Variants in SSBP2 observed in about 807,000 individuals in gnomAD.
SSBP2 encodes single-stranded DNA-binding protein 2.
In SSBP2, 17 loss-of-function variants were observed where a neutral mutation model predicts 61.8. The ratio of observed to expected loss-of-function variants is 0.28; its 90% confidence interval spans 0.19 to 0.41. The LOEUF (loss-of-function observed/expected upper bound fraction) is 0.41, where lower values mean the gene tolerates loss of function less well. Among genes scored for constraint, SSBP2 ranks in the 10% least tolerant of loss-of-function variants. The probability of loss-of-function intolerance (pLI) is 1.00; values close to 1 mark genes in which losing one functional copy is unlikely to be tolerated. For missense variants in SSBP2, 310 were observed against 458.7 expected, an observed-to-expected ratio of 0.68 and a Z score of 2.96; for synonymous variants, 139 against 141.3, an observed-to-expected ratio of 0.98 and a Z score of 0.12.
chr5:81,497,978 A>G (rs1473043706), intron 5 of SSBP2, among the ~76,000 whole-genome samples: 5 of 152,158 alleles, frequency 3.3e-5, no homozygotes, highest in Non-Finnish European at 5.9e-5. Context: ...AATTCTATAT[A>G]GCAGTTTGCC....
chr5:81,727,412 G>A (rs559084406), intron 1 of SSBP2, among the ~76,000 whole-genome samples: 3 of 152,266 alleles, frequency 2.0e-5, no homozygotes, highest in Non-Finnish European at 2.9e-5. Context: ...AGCCGGGAGT[G>A]GTGGCACATG....
At chr5:81,652,174 A>G (rs1241789938) in intron 1 of SSBP2, among the ~76,000 whole-genome samples, 1 of 152,166 alleles carries the variant, frequency 6.6e-6, no homozygotes, top group African/African-American at 2.4e-5. Flanking sequence ...GTATGGAGAG[A>G]ACAGACTTCA....
At position 81,583,400 on chromosome 5, in the gene SSBP2, C is replaced by T. The variant is rs139593077; in HGVS notation, c.282+32073G>A. 2.7e-3 allele frequency among the ~76,000 whole-genome samples: 407 copies of T among 152,034 alleles called. 7 individuals carry two copies. The highest frequency in any genetic ancestry group is 3.4e-3 in the Middle Eastern group (1 of 294). ...ATCCCAGCACTTTGGGAGGCCAAGG[C>T]GGGCAGATCACAAGGTCAGGAGATT... On this transcript the variant is annotated intron_variant, in intron 4 of 16. Coordinates refer to ENST00000320672, the MANE Select transcript of SSBP2 (RefSeq NM_012446.5).
At chr5:81,519,852 TG>T (rs1253003169) in intron 4 of SSBP2, among the ~76,000 whole-genome samples, 1 of 152,184 alleles carries the variant, frequency 6.6e-6, no homozygotes, top group African/African-American at 2.4e-5. Flanking sequence ...TGCCAGGAAT[TG>T]GTCTATTAAT....
chr5:81,708,667 T>A (rs978062522), intron 1 of SSBP2, among the ~76,000 whole-genome samples: 1 of 21,088 alleles, frequency 4.7e-5, no homozygotes, highest in African/African-American at 6.7e-4. Context: ...GTTTCAACTC[T>A]CCCTGAAAAA....
chr5:81,637,609 A>G (rs1305903442), intron 2 of SSBP2, among the ~76,000 whole-genome samples: 1 of 152,198 alleles, frequency 6.6e-6, no homozygotes, highest in Non-Finnish European at 1.5e-5. Flanking sequence ...AAAGTTACTT[A>G]AATCTTCTGT....
chr5:81,461,655 C>T (rs537390907), intron 9 of SSBP2, among the ~76,000 whole-genome samples: 3 of 152,032 alleles, frequency 2.0e-5, no homozygotes, highest in African/African-American at 2.4e-5. Flanking sequence ...TTCAATGCTA[C>T]TGATGATTTA....
chr5:81,615,698 G>A (rs144503997), intron 3 of SSBP2, 141 bp from the exon 4 acceptor site: 428 of 578,226 alleles, frequency 7.4e-4, no homozygotes, highest in African/African-American at 5.6e-3. Context: ...AGACTTAAAC[G>A]CAAGCAAGGC....
intron 1 of SSBP2, among the ~76,000 whole-genome samples, chr5:81,665,861 T>C (rs1039112257): frequency 1.3e-5 from 2 of 152,206 alleles, no homozygotes; most frequent in Non-Finnish European, 2.9e-5. Flanking sequence ...AATTCCAGTG[T>C]GGACCAATGA....
chr5:81,544,039 C>T (rs939558166), intron 4 of SSBP2, among the ~76,000 whole-genome samples: 70 of 152,060 alleles, frequency 4.6e-4, no homozygotes, highest in African/African-American at 1.7e-3. Flanking sequence ...AAACTTCCAC[C>T]TTTCTTTCTT....
chr5:81,732,782 T>C (rs1431646433), intron 1 of SSBP2, among the ~76,000 whole-genome samples: 2 of 152,170 alleles, frequency 1.3e-5, no homozygotes, highest in Non-Finnish European at 2.9e-5. Context: ...AAGCAAAGTA[T>C]CTTATACCCT....
chr5:81,472,725 G>C (rs760411594), intron 8 of SSBP2, among the ~76,000 whole-genome samples: 50 of 151,882 alleles, frequency 3.3e-4, no homozygotes, highest in Non-Finnish European at 5.6e-4. Context: ...TCATCCTCTC[G>C]AGTAGCTGGG....
At chr5:81,454,102 C>G (rs552278736) in intron 10 of SSBP2, among the ~76,000 whole-genome samples, 1 of 152,206 alleles carries the variant, frequency 6.6e-6, no homozygotes, top group Admixed American at 6.5e-5. Flanking sequence ...ATTAAAAAGA[C>G]AGGCCAAGGA....
chr5:81,477,303 G>T (rs920870013), intron 6 of SSBP2, among the ~76,000 whole-genome samples: 60 of 152,242 alleles, frequency 3.9e-4, no homozygotes, highest in African/African-American at 1.4e-3. Flanking sequence ...CACACGCATG[G>T]ATCTGTGACT....
intron 4 of SSBP2, among the ~76,000 whole-genome samples, chr5:81,575,983 C>A (rs1774182379): frequency 6.6e-6 from 1 of 152,144 alleles, no homozygotes; most frequent in Non-Finnish European, 1.5e-5. Flanking sequence ...TTACCACATA[C>A]CTTACTATCA....
intron 1 of SSBP2, among the ~76,000 whole-genome samples, chr5:81,723,288 C>T (rs534400359): frequency 1.3e-5 from 2 of 152,030 alleles, no homozygotes; most frequent in African/African-American, 4.8e-5. Flanking sequence ...TGAGAAGGTT[C>T]TTGGTTCTCT....
intron 5 of SSBP2, among the ~76,000 whole-genome samples, chr5:81,501,938 ATAG>A (rs138211796): frequency 0.048 from 7,267 of 152,096 alleles, 220 homozygotes; most frequent in Non-Finnish European, 0.069. Flanking sequence ...CTCTTTTCCC[ATAG>A]TTGCCAATAG....
At chr5:81,513,162 T>C (rs1439153216) in intron 5 of SSBP2, among the ~76,000 whole-genome samples, 1 of 152,072 alleles carries the variant, frequency 6.6e-6, no homozygotes. Context: ...AAATTCCAGC[T>C]TAAAAGCCCC....
At chr5:81,692,838 C>T (rs1753307158) in intron 1 of SSBP2, among the ~76,000 whole-genome samples, 1 of 152,052 alleles carries the variant, frequency 6.6e-6, no homozygotes, top group African/African-American at 2.4e-5. Flanking sequence ...CTATTTCTCA[C>T]CATATATAAA....
Sources: gnomAD v4.1 joint callset for allele counts (sites outside exome capture counted in the v4.1 genomes callset) on GRCh38, gnomAD v4.1.1 for gene constraint, MANE v1.5 for transcripts, NCBI Gene and HGNC (gene_info 2026-07-23, HGNC 2026-07-21) for gene names.